The following AGFG1 variants were observed in gnomAD, a reference collection of about 807,000 sequenced individuals.
AGFG1 encodes the protein ArfGAP with FG repeats 1.
A neutral mutation model predicts 60.6 loss-of-function variants in AGFG1; 10 were observed. The ratio of observed to expected loss-of-function variants is 0.16; its 90% CI spans 0.10 to 0.28. The LOEUF is 0.28. Ranked by LOEUF, AGFG1 falls within the 10% of genes least tolerant of loss-of-function variation. The pLI, the probability that AGFG1 is intolerant of heterozygous loss-of-function variation, is 1.00. For missense variants in AGFG1, 537 were observed against 676.5 expected, an observed-to-expected ratio of 0.79 and a Z score of 2.29; for synonymous variants, 247 against 242.9, an observed-to-expected ratio of 1.02 and a Z score of -0.16.
At chr2:227,506,665 A>C (rs1009969729) in intron 2 of AGFG1, among the ~76,000 whole-genome samples, 1 of 150,326 alleles carries the variant, frequency 6.7e-6, no homozygotes, top group Admixed American at 6.6e-5. Context: ...CTTTGTCCAG[A>C]GTTTATAGTT....
At chr2:227,478,576 C>T (rs994846283) in intron 1 of AGFG1, among the ~76,000 whole-genome samples, 1 of 152,166 alleles carries the variant, frequency 6.6e-6, no homozygotes, top group African/African-American at 2.4e-5. Flanking sequence ...TCAAGCAATC[C>T]TCCTACCTTG....
chr2:227,545,708 A>G lies in AGFG1; in HGVS notation c.1379-6251A>G, dbSNP rs140047747. ...CTTTCTTTTTGTTACTTTTCCTTCA[A>G]ACAGTCAGGACCCTCAGCTGCAGGT... On this transcript the variant is annotated intron_variant, in intron 10 of 12. Coordinates refer to ENST00000310078, the MANE Select transcript of AGFG1 (RefSeq NM_004504.5). 2.1e-3 allele frequency among the ~76,000 whole-genome samples: 323 copies of G among 152,032 alleles called. 2 individuals carry two copies. Among genetic ancestry groups the G allele is most frequent in the African/African-American group, 7.6e-3 (314 of 41,450 alleles).
At chr2:227,475,795 T>G (rs1278060521) in intron 1 of AGFG1, among the ~76,000 whole-genome samples, 1 of 152,164 alleles carries the variant, frequency 6.6e-6, no homozygotes, top group Non-Finnish European at 1.5e-5. Context: ...ATGATACACA[T>G]CGTTACTGTA....
intron 2 of AGFG1, among the ~76,000 whole-genome samples, chr2:227,518,236 A>G (rs1021168908): frequency 4.6e-5 from 7 of 152,166 alleles, no homozygotes; most frequent in Admixed American, 4.6e-4. Flanking sequence ...GTTTGGGGTT[A>G]TTATCAGTAA....
intron 2 of AGFG1, among the ~76,000 whole-genome samples, chr2:227,513,957 G>C (rs1379685184): frequency 1.3e-5 from 2 of 152,184 alleles, no homozygotes; most frequent in African/African-American, 2.4e-5. Flanking sequence ...TGAGACACAT[G>C]CTCCGTGATT....
chr2:227,528,299 A>T (rs1692056570), intron 5 of AGFG1, among the ~76,000 whole-genome samples: 2 of 152,176 alleles, frequency 1.3e-5, no homozygotes, highest in South Asian at 4.1e-4. Flanking sequence ...GAAAGGTTGT[A>T]CTGAGAAGGA....
At chr2:227,529,423 A>G (rs1056156716) in intron 5 of AGFG1, among the ~76,000 whole-genome samples, 2 of 152,160 alleles carry the variant, frequency 1.3e-5, no homozygotes, top group African/African-American at 4.8e-5. Flanking sequence ...AATTATTCAC[A>G]TATGCCAGTC....
At chr2:227,535,906 G>A (rs997277718) in intron 8 of AGFG1, among the ~76,000 whole-genome samples, 6 of 152,156 alleles carry the variant, frequency 3.9e-5, no homozygotes, top group African/African-American at 1.4e-4. Flanking sequence ...CTTTCATGGG[G>A]TCTGTGAGGT....
Position 227,472,356 on chromosome 2 carries a change from G to C in AGFG1, c.-66G>C, listed in dbSNP as rs1410756345. The C allele has an allele frequency of 2.0e-6, 2 of 1,001,700 alleles. No individual in the cohort carries two copies. The highest frequency in any genetic ancestry group is 2.4e-6 in the Non-Finnish European group (2 of 831,394). The allele number at this position is 1,001,700 out of a possible 1,614,324, so 62.1% of individuals were successfully genotyped here. ...CGCGGCCAGGGCGGCCCGTGGGACC[G>C]CGGGCCCCCGGCGCAGCGCTGCCCG... is the stretch of plus-strand genomic sequence containing the variant. On this transcript the variant is annotated 5_prime_UTR_variant, in exon 1 of 13. Transcript: ENST00000310078.
chr2:227,478,850 C>T (rs1690369321), intron 1 of AGFG1, among the ~76,000 whole-genome samples: 1 of 152,108 alleles, frequency 6.6e-6, no homozygotes, highest in Non-Finnish European at 1.5e-5. Flanking sequence ...TTTTACAGTT[C>T]TTTTCCATGG....
At chr2:227,525,880 C>T (rs1455543094) in intron 5 of AGFG1, among the ~76,000 whole-genome samples, 3 of 152,094 alleles carry the variant, frequency 2.0e-5, no homozygotes, top group Non-Finnish European at 4.4e-5. Flanking sequence ...GTACCCGAGT[C>T]CATTGCATAA....
At chr2:227,531,435 TC>T (rs1343617725) in intron 6 of AGFG1, among the ~76,000 whole-genome samples, 1 of 152,094 alleles carries the variant, frequency 6.6e-6, no homozygotes, top group Non-Finnish European at 1.5e-5. Flanking sequence ...TCCATTCTCC[TC>T]CTTTTCCTGC....
intron 10 of AGFG1, among the ~76,000 whole-genome samples, chr2:227,539,678 G>C (rs192749117): frequency 2.3e-5 from 3 of 131,874 alleles, no homozygotes; most frequent in Admixed American, 1.9e-4. Context: ...CTAGGAGGTC[G>C]AAATTACAGT....
In AGFG1 at chr2:227,546,201, C is replaced by T. The variant is rs935568773; in HGVS notation, c.1379-5758C>T. On this transcript the variant is annotated intron_variant, in intron 10 of 12. Transcript: ENST00000310078. ...TCAAGCCTCAGTAATGGCGGGCGCC[C>T]CTCCCCCAGCCTTGCTGCCGCCTCG... Among the ~76,000 whole-genome samples the T allele has an allele frequency of 1.5e-4, 23 of 152,334 alleles. No individual in the cohort carries two copies. In the East Asian group the frequency reaches 3.9e-3, roughly 26 times the overall value.
chr2:227,475,033 C>A (rs1458833768), intron 1 of AGFG1, among the ~76,000 whole-genome samples: 1 of 152,052 alleles, frequency 6.6e-6, no homozygotes, highest in Non-Finnish European at 1.5e-5. Context: ...AGGAAGAGGA[C>A]ATGCCATGAG....
intron 1 of AGFG1, among the ~76,000 whole-genome samples, chr2:227,478,808 TC>T (rs1690367885): frequency 6.6e-6 from 1 of 152,202 alleles, no homozygotes. Context: ...AATGCTGAAT[TC>T]TTCTAGATTT....
chr2:227,509,609 A>T (rs935211205), intron 2 of AGFG1, among the ~76,000 whole-genome samples: 1 of 152,108 alleles, frequency 6.6e-6, no homozygotes, highest in Admixed American at 6.5e-5. Flanking sequence ...TAAAAAAATT[A>T]TTTTTCTCAA....
At position 227,557,251 on chromosome 2, in the gene AGFG1, T is replaced by C. The variant is rs927760576; in HGVS notation, c.*2756T>C. The C allele has an allele frequency of 2.0e-5, 3 of 152,210 alleles. No homozygotes were observed. The highest frequency in any genetic ancestry group is 7.2e-5 in the African/African-American group (3 of 41,452). The allele number at this position is 152,210 out of a possible 1,614,324, so 9.4% of individuals were successfully genotyped here. A position where few individuals can be genotyped will look rare whatever the true frequency, so the allele number is the denominator to read the frequency against. ...TTTGACATAGTTTAAAGACATTTTT[T>C]CCCCATTTTTTGAAATAGAGAATAT... On this transcript the variant is annotated 3_prime_UTR_variant, in exon 13 of 13. Coordinates refer to ENST00000310078, the MANE Select transcript of AGFG1 (RefSeq NM_004504.5).
chr2:227,514,451 C>G (rs1691593648), intron 2 of AGFG1, among the ~76,000 whole-genome samples: 1 of 152,192 alleles, frequency 6.6e-6, no homozygotes, highest in South Asian at 2.1e-4. Context: ...CTCCTGACCC[C>G]GCAAAGTGCT....
Sources: gnomAD v4.1 joint callset for allele counts (sites outside exome capture counted in the v4.1 genomes callset) on GRCh38, gnomAD v4.1.1 for gene constraint, MANE v1.5 for transcripts, NCBI Gene and HGNC (gene_info 2026-07-23, HGNC 2026-07-21) for gene names.